MAK: variants seen among roughly 807,000 people sequenced by gnomAD.
MAK encodes male germ cell associated kinase.
Under a neutral mutation model 82.6 loss-of-function variants are expected in MAK, and 65 were observed. The ratio of observed to expected loss-of-function variants is 0.79; its 90% CI spans 0.64 to 0.97. The LOEUF (loss-of-function observed/expected upper bound fraction) is 0.97. MAK is among the 50% of genes least tolerant of loss of function. The pLI is 0.00. For missense variants in MAK, 703 were observed against 780.2 expected, an observed-to-expected ratio of 0.90 and a Z score of 1.18; for synonymous variants, 250 against 274.2, an observed-to-expected ratio of 0.91 and a Z score of 0.87.
At chr6:10,815,932 ATATATATATATATATG>A (rs1561991813) in intron 4 of MAK, among the ~76,000 whole-genome samples, 11 of 133,196 alleles carry the variant, frequency 8.3e-5, no homozygotes, top group African/African-American at 3.8e-4. Context: ...ATATATATAT[ATATATATATATATATG>A]TATGTTTTCT....
Position 10,815,702 on chromosome 6 carries a change from T to G in MAK, c.279-1979A>C, listed in dbSNP as rs570358204. Among the ~76,000 whole-genome samples the G allele has an allele frequency of 2.6e-3, 391 of 151,808 alleles. 3 individuals are homozygous for G. Among genetic ancestry groups the G allele is most frequent in the African/African-American group, 8.8e-3 (363 of 41,388 alleles). The stretch of plus-strand genomic sequence containing the variant: ...TCTCAAACTCCTGGGGCTCAAGCAA[T>G]CCTCCCGCCTTGGCCTCTCAAAGTG... On this transcript the variant is annotated intron_variant, in intron 4 of 14. Transcript: ENST00000354489.
intron 5 of MAK, among the ~76,000 whole-genome samples, chr6:10,813,293 C>T (rs752030156): frequency 3.4e-5 from 5 of 146,844 alleles, no homozygotes; most frequent in Non-Finnish European, 6.0e-5. Context: ...GGATTACAGG[C>T]GCCCGCCACC....
intron 7 of MAK, among the ~76,000 whole-genome samples, 166 bp downstream of exon 7, chr6:10,803,554 A>AAG (rs1463922433): frequency 1.3e-5 from 2 of 151,878 alleles, no homozygotes; most frequent in Non-Finnish European, 2.9e-5. Context: ...CAAAAAAAAA[A>AAG]AAAGAATTAT....
chr6:10,788,967 T>TG (rs1774837289), intron 10 of MAK, among the ~76,000 whole-genome samples: 1 of 152,112 alleles, frequency 6.6e-6, no homozygotes, highest in African/African-American at 2.4e-5. Flanking sequence ...TGACTGCAAT[T>TG]GGAGTATTTC....
At chr6:10,769,966 A>G in intron 14 of MAK, 145 bp downstream of exon 14, 1 of 1,479,678 alleles carries the variant, frequency 6.8e-7, no homozygotes, top group Non-Finnish European at 9.2e-7. Context: ...AAAATAGGAC[A>G]TTTCGGTAAA....
chr6:10,771,173 G>T (rs1186297339), intron 13 of MAK, among the ~76,000 whole-genome samples: 1 of 152,060 alleles, frequency 6.6e-6, no homozygotes, highest in African/African-American at 2.4e-5. Flanking sequence ...GGCTGAAGGA[G>T]CCAGCTCAGA....
chr6:10,792,336 C>G (rs994061114), intron 9 of MAK, among the ~76,000 whole-genome samples: 1 of 152,220 alleles, frequency 6.6e-6, no homozygotes, highest in African/African-American at 2.4e-5. Flanking sequence ...GCCACCTGCT[C>G]AGGGTGGTGG....
intron 4 of MAK, among the ~76,000 whole-genome samples, chr6:10,815,726 T>G (rs1358259930): frequency 6.6e-6 from 1 of 151,360 alleles, no homozygotes; most frequent in Non-Finnish European, 1.5e-5. Flanking sequence ...CCTCTCAAAG[T>G]GCTGAGATTA....
chr6:10,807,564 C>T (rs1776588955), intron 6 of MAK, among the ~76,000 whole-genome samples: 1 of 151,704 alleles, frequency 6.6e-6, no homozygotes, highest in African/African-American at 2.4e-5. Context: ...TGGTCTCGAA[C>T]TCCTGGTCTC....
chr6:10,804,031 T>C, intron 6 of MAK, 140 bp from the exon 7 acceptor site: 1 of 727,194 alleles, frequency 1.4e-6, no homozygotes, highest in Non-Finnish European at 2.4e-6. Context: ...TGTCAGGCAT[T>C]TGTACAATGT....
Position 10,764,492 on chromosome 6 carries a change from C to T in MAK, c.1907G>A (p.Gly636Glu). The T allele has an allele frequency of 6.2e-7, 1 of 1,614,046 alleles. No homozygotes were observed. The highest frequency in any genetic ancestry group is 8.5e-7 in the Non-Finnish European group (1 of 1,179,984). Residue 636 changes from glycine (G) to glutamate (E), a missense_variant, in exon 15 of 15, where the codon GGG becomes GAG. Coordinates refer to ENST00000354489, the MANE Select transcript of MAK (RefSeq NM_001242957.3). ...ATACTTGGCCACCCAGTCTGTCCTC[C>T]CATGCACTGAGGGAATGGGCTGTGC... ...NRAQPIPSVH[G>E]RTDWVAKYGG...
chr6:10,788,979 T>C (rs1774838286), intron 10 of MAK, among the ~76,000 whole-genome samples: 1 of 152,112 alleles, frequency 6.6e-6, no homozygotes, highest in Non-Finnish European at 1.5e-5. Flanking sequence ...GAGTATTTCA[T>C]GGTATGGCTT....
intron 10 of MAK, among the ~76,000 whole-genome samples, chr6:10,789,171 A>G (rs1212566589): frequency 1.3e-5 from 2 of 151,944 alleles, no homozygotes; most frequent in Non-Finnish European, 2.9e-5. Flanking sequence ...AGAAAAAAAA[A>G]AAAAAAAGAA....
intron 12 of MAK, among the ~76,000 whole-genome samples, chr6:10,775,045 T>C (rs1773346581): frequency 6.6e-6 from 1 of 152,172 alleles, no homozygotes; most frequent in African/African-American, 2.4e-5. Flanking sequence ...CTCGAACTCC[T>C]AGGCTCAAGG....
chr6:10,798,856 GTC>G (rs1250163788), intron 8 of MAK, among the ~76,000 whole-genome samples: 2 of 151,270 alleles, frequency 1.3e-5, no homozygotes, highest in African/African-American at 4.9e-5. Context: ...TTGAGACAGA[GTC>G]TCACTCTGTC....
At chr6:10,788,782 C>T (rs2127538843) in intron 10 of MAK, among the ~76,000 whole-genome samples, 1 of 152,248 alleles carries the variant, frequency 6.6e-6, no homozygotes, top group East Asian at 1.9e-4. Flanking sequence ...CCATATACTA[C>T]ATCAGTGGTC....
chr6:10,837,862 G>A (rs923051882), intron 1 of MAK, among the ~76,000 whole-genome samples: 7 of 152,166 alleles, frequency 4.6e-5, no homozygotes. Flanking sequence ...AAGGCTCCAG[G>A]GACCGCGTGG....
chr6:10,774,020 T>A (rs1187959165), intron 12 of MAK, among the ~76,000 whole-genome samples: 1 of 152,166 alleles, frequency 6.6e-6, no homozygotes, highest in Non-Finnish European at 1.5e-5. Flanking sequence ...TGATTTTATG[T>A]CCTCCAATAT....
chr6:10,834,855 G>A (rs1779050643), intron 1 of MAK, among the ~76,000 whole-genome samples: 1 of 152,280 alleles, frequency 6.6e-6, no homozygotes, highest in Non-Finnish European at 1.5e-5. Flanking sequence ...GACCCTGGCT[G>A]AATGACAGAT....
Sources: allele counts gnomAD v4.1 joint callset (sites outside exome capture counted in the v4.1 genomes callset), GRCh38; gene constraint gnomAD v4.1.1; transcripts MANE v1.5; gene names NCBI Gene and HGNC (gene_info 2026-07-23, HGNC 2026-07-21).